PRKN: variants seen among roughly 807,000 people sequenced by gnomAD.
The protein encoded by PRKN is parkin RBR E3 ubiquitin protein ligase.
Under a neutral mutation model 59.5 loss-of-function variants are expected in PRKN, and 56 were observed. The observed-to-expected ratio is 0.94, with a 90% CI of 0.76 to 1.18. PRKN has a LOEUF of 1.18. Among genes scored for constraint, PRKN ranks in the 50% most tolerant of loss-of-function variants. PRKN has a pLI of 0.00. For synonymous variants in PRKN, 250 were observed against 222.1 expected (o/e 1.13, Z -1.12); for missense variants, 657 against 596.4 (o/e 1.10, Z -1.06).
intron 9 of PRKN, among the ~76,000 whole-genome samples, chr6:161,486,816 C>T (rs1304969339): frequency 6.6e-6 from 1 of 152,138 alleles, no homozygotes; most frequent in Non-Finnish European, 1.5e-5. Flanking sequence ...ATTTAAAGCA[C>T]CAGAGCAGAA....
intron 9 of PRKN, among the ~76,000 whole-genome samples, chr6:161,508,174 G>A (rs1045843038): frequency 2.6e-5 from 4 of 152,142 alleles, no homozygotes; most frequent in Admixed American, 6.5e-5. Flanking sequence ...TGAGATTCCA[G>A]GTGTTAATTC....
At chr6:162,451,579 A>AAGAG (rs543857383) in intron 1 of PRKN, among the ~76,000 whole-genome samples, 1 of 151,860 alleles carries the variant, frequency 6.6e-6, no homozygotes, top group African/African-American at 2.4e-5. Flanking sequence ...AAAAGAAAAA[A>AAGAG]AGAGAGAGAG....
At chr6:162,561,229 G>T (rs1779825777) in intron 1 of PRKN, among the ~76,000 whole-genome samples, 1 of 152,128 alleles carries the variant, frequency 6.6e-6, no homozygotes, top group Non-Finnish European at 1.5e-5. Flanking sequence ...TTTGGGCAAT[G>T]ATATTTACTA....
At chr6:161,859,624 A>AAAAAG in intron 6 of PRKN, among the ~76,000 whole-genome samples, 1 of 151,456 alleles carries the variant, frequency 6.6e-6, no homozygotes, top group South Asian at 2.1e-4. Flanking sequence ...AAAAAAAAAA[A>AAAAAG]AAAAAGAGAA....
chr6:162,012,865 C>T (rs1311979369), intron 5 of PRKN, among the ~76,000 whole-genome samples: 3 of 152,122 alleles, frequency 2.0e-5, no homozygotes, highest in Non-Finnish European at 4.4e-5. Flanking sequence ...TTAGGAGACA[C>T]ATGCTATCGT....
chr6:162,120,580 G>T (rs1313340119), intron 4 of PRKN, among the ~76,000 whole-genome samples: 1 of 152,182 alleles, frequency 6.6e-6, no homozygotes. Context: ...AATGGATGAG[G>T]CCCACGTCTA....
chr6:161,386,899 T>A lies in PRKN; in HGVS notation c.1084-22A>T, dbSNP rs1481461116. 1.3e-6 allele frequency: 2 copies of A among 1,593,028 alleles called. No homozygotes were observed. The highest frequency in any genetic ancestry group is 1.7e-6 in the Non-Finnish European group (2 of 1,160,838). On this transcript the variant is annotated intron_variant, in intron 9 of 11. Transcript: ENST00000366898. The surrounding 1 kb of genome is among the most constrained non-coding windows in gnomAD (Gnocchi z 4.3). The stretch of plus-strand genomic sequence containing the variant: ...CAAACTGCAAAAGAACACACATCCA[T>A]TAATTAGGGACATTAGGTTGCATTT...
chr6:161,924,355 G>T (rs115624059), intron 6 of PRKN, among the ~76,000 whole-genome samples: 1 of 152,094 alleles, frequency 6.6e-6, no homozygotes, highest in Non-Finnish European at 1.5e-5. Context: ...GCATTAAAAT[G>T]ACCTACTATA....
At chr6:161,873,208 C>T (rs1016626370) in intron 6 of PRKN, among the ~76,000 whole-genome samples, 1 of 151,942 alleles carries the variant, frequency 6.6e-6, no homozygotes, top group African/African-American at 2.4e-5. Flanking sequence ...GCGTCAGTCT[C>T]AGGGACTCCA....
intron 2 of PRKN, among the ~76,000 whole-genome samples, chr6:162,317,127 CA>C (rs758786736): frequency 6.6e-6 from 1 of 151,996 alleles, no homozygotes; most frequent in African/African-American, 2.4e-5. Flanking sequence ...AATAAAGCCT[CA>C]ACCATTTACT....
chr6:161,844,464 G>C (rs1793116562), intron 6 of PRKN, among the ~76,000 whole-genome samples: 1 of 152,202 alleles, frequency 6.6e-6, no homozygotes, highest in Non-Finnish European at 1.5e-5. Flanking sequence ...TCTCTCTACG[G>C]AGCTGGACGG....
rs146833542 is a variant in PRKN at position 162,119,741 on chromosome 6, C to T, written c.535-65567G>A. Among the ~76,000 whole-genome samples the T allele has an allele frequency of 4.3e-4, 65 of 152,222 alleles. 2 individuals carry two copies. The highest frequency in any genetic ancestry group is 1.6e-3 in the African/African-American group (65 of 41,542). On this transcript the variant is annotated intron_variant, in intron 4 of 11. Coordinates refer to ENST00000366898, the MANE Select transcript of PRKN (RefSeq NM_004562.3). ...GAAGCCTTGAAGGAAGGGAGAAGGG[C>T]TGCTTTCTCTGGGAGGGGAGAATCA...
intron 2 of PRKN, among the ~76,000 whole-genome samples, chr6:162,371,458 A>G (rs1405346168): frequency 6.6e-6 from 1 of 152,140 alleles, no homozygotes; most frequent in Non-Finnish European, 1.5e-5. Flanking sequence ...TGAACATCAG[A>G]CTTTCAAACC....
At chr6:162,444,924 T>A (rs1790236805) in intron 1 of PRKN, among the ~76,000 whole-genome samples, 1 of 152,178 alleles carries the variant, frequency 6.6e-6, no homozygotes, top group South Asian at 2.1e-4. Context: ...TTTATAGTAT[T>A]TAAAACTATC....
At chr6:161,860,150 A>T (rs1331361646) in intron 6 of PRKN, among the ~76,000 whole-genome samples, 1 of 152,196 alleles carries the variant, frequency 6.6e-6, no homozygotes. Flanking sequence ...CTGCAAATTT[A>T]AAAAAAGTAC....
At chr6:161,504,523 C>CTCT (rs1191031134) in intron 9 of PRKN, among the ~76,000 whole-genome samples, 7 of 51,356 alleles carry the variant, frequency 1.4e-4, no homozygotes, top group African/African-American at 4.1e-4. Flanking sequence ...CACTGTGAAA[C>CTCT]TTTCTTTTTT....
chr6:162,158,805 A>G (rs2849578), intron 4 of PRKN, among the ~76,000 whole-genome samples: 12,462 of 151,890 alleles, frequency 0.082, 999 homozygotes, highest in East Asian at 0.4. Context: ...TTTGTGGTCC[A>G]TGTTACTTGG....
chr6:162,457,441 T>C (rs938724716), intron 1 of PRKN, among the ~76,000 whole-genome samples: 6 of 152,162 alleles, frequency 3.9e-5, no homozygotes, highest in African/African-American at 1.4e-4. Context: ...CTGACCATAC[T>C]GCAACTACTT....
At chr6:161,918,728 A>C (rs544162907) in intron 6 of PRKN, among the ~76,000 whole-genome samples, 1 of 152,184 alleles carries the variant, frequency 6.6e-6, no homozygotes, top group Admixed American at 6.5e-5. Context: ...CATGACTAAC[A>C]CAATGCCATG....
Sources: gnomAD v4.1 joint callset for allele counts (sites outside exome capture counted in the v4.1 genomes callset) on GRCh38, gnomAD v4.1.1 for gene constraint, Gnocchi (gnomAD v3.1) non-coding constraint, MANE v1.5 for transcripts, NCBI Gene and HGNC (gene_info 2026-07-23, HGNC 2026-07-21) for gene names.